MAP7: variants seen among roughly 807,000 people sequenced by gnomAD.
The protein encoded by MAP7 is microtubule associated protein 7, also known as ensconsin.
A neutral mutation model predicts 94.8 loss-of-function variants in MAP7; 52 were observed. The ratio of observed to expected loss-of-function variants is 0.55; its 90% CI spans 0.44 to 0.69. The LOEUF is 0.69. Ranked by LOEUF, MAP7 falls within the 30% of genes least tolerant of loss-of-function variation. The pLI is 0.00. For missense variants in MAP7, 940 were observed against 964.6 expected (o/e 0.97, Z 0.34); for synonymous variants, 350 against 357.0 (o/e 0.98, Z 0.22).
rs529165298 is a variant in MAP7, at chr6:136,490,795, A to G, written c.67+59547T>C. Among the ~76,000 whole-genome samples the G allele has an allele frequency of 9.2e-5, 14 of 152,296 alleles. No individual in the cohort carries two copies. In the South Asian group the frequency reaches 2.5e-3, roughly 27 times the overall value. ...GATGAGCCAAGCTCGGCACTAAGGT[A>G]TATTCCCATCATCACTGCTTCTGTG... On this transcript the variant is annotated intron_variant, in intron 1 of 17. Coordinates refer to ENST00000354570, the MANE Select transcript of MAP7 (RefSeq NM_003980.6).
At chr6:136,375,951 G>A (rs1026311711) in intron 7 of MAP7, among the ~76,000 whole-genome samples, 1 of 152,150 alleles carries the variant, frequency 6.6e-6, no homozygotes, top group African/African-American at 2.4e-5. Flanking sequence ...GAGGGAGAGT[G>A]AAAGAAGTGA....
At chr6:136,421,921 A>C in intron 1 of MAP7, 122 bp from the exon 2 acceptor site, 1 of 694,678 alleles carries the variant, frequency 1.4e-6, no homozygotes, top group South Asian at 2.0e-5. Context: ...GATTAAGGAA[A>C]TGAAAAGATG....
chr6:136,353,741 A>C (rs1029791637), intron 16 of MAP7, among the ~76,000 whole-genome samples: 2 of 152,022 alleles, frequency 1.3e-5, no homozygotes, highest in African/African-American at 4.8e-5. Context: ...TTTTTAGAAA[A>C]GGGGTTTCAC....
chr6:136,421,776 C>T lies in MAP7; in HGVS notation c.91G>A (p.Asp31Asn), dbSNP rs770547707. The change falls in exon 2 of 18, where the codon GAT (aspartate) becomes AAT (asparagine). Residue 31 changes from aspartate (D) to asparagine (N), a missense_variant. Transcript: ENST00000354570. ...GGGCGGCTGGAGGCATTTTTCTTAT[C>T]TTGCACTTTGTAGCTGTCGGGTGCT... is the stretch of plus-strand genomic sequence containing the variant. Reference protein sequence around the residue: ...ETAPDSYKVQDKKNASSRPAS... With the variant: ...ETAPDSYKVQNKKNASSRPAS... 27 of 1,613,178 alleles carry T rather than the reference C, an allele frequency of 1.7e-5. No individual in the cohort carries two copies. In the African/African-American group the frequency reaches 3.6e-4, roughly 22 times the overall value.
chr6:136,498,569 C>T (rs1391829286), intron 1 of MAP7, among the ~76,000 whole-genome samples: 3 of 151,982 alleles, frequency 2.0e-5, no homozygotes, highest in African/African-American at 7.3e-5. Flanking sequence ...ACATGCTTAT[C>T]TGTGCAGAGG....
intron 1 of MAP7, among the ~76,000 whole-genome samples, chr6:136,530,829 A>G (rs1368042676): frequency 6.9e-6 from 1 of 145,220 alleles, no homozygotes; most frequent in Non-Finnish European, 1.5e-5. Flanking sequence ...AACAGTAAAT[A>G]CTGCCCTAGT....
chr6:136,387,973 A>G lies in MAP7; in HGVS notation c.526+420T>C, dbSNP rs941348231. Among the ~76,000 whole-genome samples the G allele has an allele frequency of 4.2e-4, 64 of 152,212 alleles. 1 individual carries two copies. The highest frequency in any genetic ancestry group is 8.8e-5 in the Non-Finnish European group (6 of 68,028). ...CTTACAGAGCATTAGTGTTGCATAT[A>G]CTTTAGGGTCAGAATACATAAGCTC... is the stretch of plus-strand genomic sequence containing the variant. On this transcript the variant is annotated intron_variant, in intron 5 of 17. Coordinates refer to ENST00000354570, the MANE Select transcript of MAP7 (RefSeq NM_003980.6).
At chr6:136,527,581 A>G (rs1828086986) in intron 1 of MAP7, among the ~76,000 whole-genome samples, 1 of 152,230 alleles carries the variant, frequency 6.6e-6, no homozygotes, top group South Asian at 2.1e-4. Context: ...AATTGGGGTG[A>G]TGACTATCAT....
intron 1 of MAP7, among the ~76,000 whole-genome samples, chr6:136,450,429 A>T (rs983911784): frequency 2.0e-5 from 3 of 152,064 alleles, no homozygotes; most frequent in African/African-American, 7.2e-5. Flanking sequence ...AAATATTTAA[A>T]TTTTAATATT....
chr6:136,532,031 T>C lies in MAP7; in HGVS notation c.67+18311A>G, dbSNP rs903484238. Among the ~76,000 whole-genome samples the C allele has an allele frequency of 9.8e-5, 15 of 152,316 alleles. No individual in the cohort carries two copies. The East Asian group carries it at 2.5e-3, about 25-fold the overall frequency. On this transcript the variant is annotated intron_variant, in intron 1 of 17. Coordinates refer to ENST00000354570, the MANE Select transcript of MAP7 (RefSeq NM_003980.6). ...ATTCCCACTGAATAGGCTATATTCTTATCCATTCAGTAAGAATAAACAGGA... is the reference window on the plus strand; with the variant it reads ...ATTCCCACTGAATAGGCTATATTCTCATCCATTCAGTAAGAATAAACAGGA...
chr6:136,451,528 G>A (rs981062816), intron 1 of MAP7, among the ~76,000 whole-genome samples: 2 of 152,134 alleles, frequency 1.3e-5, no homozygotes, highest in South Asian at 2.1e-4. Context: ...TTGTTTTCAC[G>A]CCTGCTATCA....
At chr6:136,426,247 GTCACAA>G (rs1327637540) in intron 1 of MAP7, among the ~76,000 whole-genome samples, 4 of 152,130 alleles carry the variant, frequency 2.6e-5, no homozygotes, top group African/African-American at 9.7e-5. Context: ...CAGTCTCTTT[GTCACAA>G]TCAACAGAAC....
At chr6:136,496,641 G>A (rs1409069913) in intron 1 of MAP7, among the ~76,000 whole-genome samples, 2 of 151,678 alleles carry the variant, frequency 1.3e-5, no homozygotes, top group East Asian at 1.9e-4. Context: ...CTCCTAGGCT[G>A]ACCAAAGTCC....
At chr6:136,470,323 C>T (rs754776351) in intron 1 of MAP7, among the ~76,000 whole-genome samples, 5 of 151,794 alleles carry the variant, frequency 3.3e-5, no homozygotes, top group Non-Finnish European at 7.4e-5. Context: ...TGTTTCCTCC[C>T]CAGCTTTCTG....
chr6:136,503,124 T>A (rs1375692333), intron 1 of MAP7, among the ~76,000 whole-genome samples: 5 of 152,150 alleles, frequency 3.3e-5, no homozygotes, highest in Non-Finnish European at 7.4e-5. Context: ...AACCCAGAAA[T>A]AATTACCAAA....
At chr6:136,419,049 CTA>C (rs1790423090) in intron 2 of MAP7, among the ~76,000 whole-genome samples, 1 of 152,038 alleles carries the variant, frequency 6.6e-6, no homozygotes, top group Admixed American at 6.5e-5. Context: ...AATCAAATGA[CTA>C]TATATAAGGA....
At chr6:136,404,043 T>C (rs1784909899) in intron 3 of MAP7, among the ~76,000 whole-genome samples, 1 of 152,188 alleles carries the variant, frequency 6.6e-6, no homozygotes, top group Non-Finnish European at 1.5e-5. Flanking sequence ...CCCTAAAGCC[T>C]CCTCTGACCC....
intron 3 of MAP7, among the ~76,000 whole-genome samples, chr6:136,398,662 A>G (rs1403353203): frequency 6.6e-6 from 1 of 152,186 alleles, no homozygotes; most frequent in East Asian, 1.9e-4. Context: ...TGCTCTTGCC[A>G]CCACCATGTA....
At chr6:136,478,979 C>CAAAAAAAAAAAAAAAAAAAAA (rs59319740) in intron 1 of MAP7, among the ~76,000 whole-genome samples, 10 of 45,500 alleles carry the variant, frequency 2.2e-4, no homozygotes, top group East Asian at 5.2e-4. Flanking sequence ...ACAGACACAT[C>CAAAAAAAAAAAAAAAAAAAAA]AAAAAAAAAA....
Sources: allele counts gnomAD v4.1 joint callset (sites outside exome capture counted in the v4.1 genomes callset), GRCh38; gene constraint gnomAD v4.1.1; transcripts MANE v1.5; gene names NCBI Gene and HGNC (gene_info 2026-07-23, HGNC 2026-07-21).